The following PPFIA2 variants were observed in gnomAD, a reference collection of about 807,000 sequenced individuals.
The protein encoded by PPFIA2 is PPFI scaffold protein A2.
Under a neutral mutation model 175.5 loss-of-function variants are expected in PPFIA2, and 46 were observed. That is an observed-to-expected ratio of 0.26 (90% confidence interval 0.21 to 0.34). The LOEUF (loss-of-function observed/expected upper bound fraction) is 0.34. PPFIA2 is among the 10% of genes least tolerant of loss of function. PPFIA2 has a pLI of 1.00. For synonymous variants in PPFIA2, 568 were observed against 511.4 expected (o/e 1.11, Z -1.49); for missense variants, 1,179 against 1,506.1 (o/e 0.78, Z 3.60).
chr12:81,277,337 G>A lies in PPFIA2; in HGVS notation c.3290C>T (p.Ala1097Val), dbSNP rs1440438992. The A allele has an allele frequency of 6.4e-7, 1 of 1,567,718 alleles. No individual in the cohort carries two copies. Among genetic ancestry groups the A allele is most frequent in the South Asian group, 1.2e-5 (1 of 85,392 alleles). Residue 1097 changes from alanine (A) to valine (V), a missense_variant, in exon 28 of 33, where the codon GCA (alanine) becomes GTA (valine). Transcript: ENST00000549396. Reference sequence around the variant, plus strand: ...ATTACCTTTTATTTCATGTTGGCTTGCTTCCCGTCTTCTTTCTAGTTCTTT... The same window carrying A: ...ATTACCTTTTATTTCATGTTGGCTTACTTCCCGTCTTCTTTCTAGTTCTTT... ...DRKELERRREASQHEIKDVLV... is the reference protein window; with the variant it reads ...DRKELERRREVSQHEIKDVLV...
At chr12:81,351,678 A>G (rs937506490) in intron 17 of PPFIA2, among the ~76,000 whole-genome samples, 1 of 151,050 alleles carries the variant, frequency 6.6e-6, no homozygotes, top group African/African-American at 2.4e-5. Flanking sequence ...CAGGAGGATC[A>G]TTAGAGCCCA....
In PPFIA2 at chr12:81,754,165, C is replaced by A. The variant is rs377547753; in HGVS notation, c.57G>T (p.Gly19=). The A allele has an allele frequency of 5.6e-6, 9 of 1,612,160 alleles. No individual in the cohort carries two copies. Among genetic ancestry groups the A allele is most frequent in the Non-Finnish European group, 6.8e-6 (8 of 1,179,048 alleles). Residue 19 remains glycine, a synonymous_variant, in exon 3 of 33, where the codon GGG becomes GGT. Coordinates refer to ENST00000549396, the MANE Select transcript of PPFIA2 (RefSeq NM_003625.5). ...INEDTPMSQR[G]SQSSGSDSDS... The stretch of plus-strand genomic sequence containing the variant: ...CTGAGTCCGAGCCACTGCTTTGGGA[C>A]CCCCTTTGGCTCATTGGGGTGTCCT...
intron 4 of PPFIA2, among the ~76,000 whole-genome samples, chr12:81,589,543 A>G (rs1023242527): frequency 3.9e-5 from 6 of 152,104 alleles, no homozygotes; most frequent in African/African-American, 1.4e-4. Flanking sequence ...TTTTCAAGTT[A>G]TGGAGACAAA....
intron 22 of PPFIA2, among the ~76,000 whole-genome samples, chr12:81,317,463 A>T (rs909975711): frequency 1.3e-5 from 2 of 151,532 alleles, no homozygotes; most frequent in Non-Finnish European, 3.0e-5. Context: ...AGACTATTGT[A>T]GTATGATGGC....
intron 3 of PPFIA2, among the ~76,000 whole-genome samples, chr12:81,736,387 T>C (rs1350665115): frequency 2.6e-5 from 4 of 152,060 alleles, no homozygotes; most frequent in African/African-American, 9.7e-5. Context: ...TTTATGTATG[T>C]TTATCTTTTA....
chr12:81,656,157 G>T (rs1282591991), intron 4 of PPFIA2, among the ~76,000 whole-genome samples: 1 of 151,746 alleles, frequency 6.6e-6, no homozygotes, highest in Non-Finnish European at 1.5e-5. Flanking sequence ...TCTCTTATCT[G>T]TTATTGTCTG....
At chr12:81,281,534 T>C (rs2042090243) in intron 26 of PPFIA2, 84 bp from the exon 27 acceptor site, 3 of 880,980 alleles carry the variant, frequency 3.4e-6, no homozygotes, top group South Asian at 2.5e-5. Context: ...TTATAACTGA[T>C]ATTTAATTAC....
At chr12:81,303,998 C>G (rs376692954) in intron 22 of PPFIA2, among the ~76,000 whole-genome samples, 105 of 152,242 alleles carry the variant, frequency 6.9e-4, no homozygotes, top group African/African-American at 2.5e-3. Flanking sequence ...AATTGGTATA[C>G]GAGTAGAGTC....
chr12:81,456,690 A>G (rs2053624461), intron 5 of PPFIA2, among the ~76,000 whole-genome samples: 1 of 152,176 alleles, frequency 6.6e-6, no homozygotes, highest in South Asian at 2.1e-4. Flanking sequence ...CTTTTAGTAA[A>G]CTGTACTCCT....
chr12:81,660,491 C>T (rs1013851375), intron 4 of PPFIA2, among the ~76,000 whole-genome samples: 1 of 151,784 alleles, frequency 6.6e-6, no homozygotes, highest in African/African-American at 2.4e-5. Context: ...AAGAGAAGTT[C>T]AGAGAAAAAA....
At chr12:81,589,002 G>A (rs2079360568) in intron 4 of PPFIA2, among the ~76,000 whole-genome samples, 3 of 152,054 alleles carry the variant, frequency 2.0e-5, no homozygotes, top group African/African-American at 4.8e-5. Context: ...AATCATAAAA[G>A]CATTTATGTG....
intron 7 of PPFIA2, among the ~76,000 whole-genome samples, chr12:81,412,279 G>C (rs1390327702): frequency 6.7e-6 from 1 of 148,936 alleles, no homozygotes; most frequent in Non-Finnish European, 1.5e-5. Flanking sequence ...ACAAAATACT[G>C]GGAAAAATGC....
At chr12:81,284,013 G>C (rs1380694998) in intron 25 of PPFIA2, among the ~76,000 whole-genome samples, 1 of 151,866 alleles carries the variant, frequency 6.6e-6, no homozygotes, top group African/African-American at 2.4e-5. Context: ...CTTCCTTATT[G>C]TTTGTGTACT....
chr12:81,741,907 T>A (rs1360991229), intron 3 of PPFIA2, among the ~76,000 whole-genome samples: 1 of 152,170 alleles, frequency 6.6e-6, no homozygotes, highest in South Asian at 2.1e-4. Flanking sequence ...AATAATTTCA[T>A]AAATTTAAGC....
At chr12:81,314,600 A>C (rs576785663) in intron 22 of PPFIA2, among the ~76,000 whole-genome samples, 17 of 152,054 alleles carry the variant, frequency 1.1e-4, no homozygotes, top group Admixed American at 1.0e-3. Context: ...ATATTTCAAA[A>C]TGAGAGCCTT....
rs531381397 is a variant in PPFIA2, at chr12:81,336,479, C to T, written c.2548+2701G>A. On this transcript the variant is annotated intron_variant, in intron 21 of 32. Transcript: ENST00000549396. Reference sequence around the variant, plus strand: ...AGTTTATGTTATTACCCTAGCATTTCGAAGTATTATATAAAGCAAACAAGA... The same window carrying T: ...AGTTTATGTTATTACCCTAGCATTTTGAAGTATTATATAAAGCAAACAAGA... 5.9e-5 allele frequency among the ~76,000 whole-genome samples: 9 copies of T among 152,232 alleles called. No individual in the cohort carries two copies. The East Asian group carries it at 7.7e-4, about 13-fold the overall frequency.
chr12:81,415,625 G>T (rs1164187193), intron 7 of PPFIA2, among the ~76,000 whole-genome samples: 1 of 148,352 alleles, frequency 6.7e-6, no homozygotes, highest in Non-Finnish European at 1.5e-5. Context: ...TTTTAAAAAA[G>T]AAATCTTCCT....
chr12:81,722,123 T>C (rs576751453), intron 3 of PPFIA2, among the ~76,000 whole-genome samples: 22 of 151,174 alleles, frequency 1.5e-4, no homozygotes, highest in Non-Finnish European at 2.7e-4. Flanking sequence ...ATATTTTTTA[T>C]TGTACAACTT....
chr12:81,666,432 T>C (rs1384583129), intron 4 of PPFIA2, among the ~76,000 whole-genome samples: 1 of 152,082 alleles, frequency 6.6e-6, no homozygotes, highest in Non-Finnish European at 1.5e-5. Context: ...TATGCAGCCA[T>C]AAAAAATGAT....
Sources: allele counts gnomAD v4.1 joint callset (sites outside exome capture counted in the v4.1 genomes callset), GRCh38; gene constraint gnomAD v4.1.1; transcripts MANE v1.5; gene names NCBI Gene and HGNC (gene_info 2026-07-23, HGNC 2026-07-21).